Variants in MED12L observed in about 807,000 individuals in gnomAD.
The protein encoded by MED12L is mediator complex subunit 12L.
A neutral mutation model predicts 281.3 loss-of-function variants in MED12L; 60 were observed. That is an observed-to-expected ratio of 0.21 (90% CI 0.17 to 0.26). MED12L has a LOEUF of 0.26. Among genes scored for constraint, MED12L ranks in the 10% least tolerant of loss-of-function variants. MED12L has a pLI of 1.00. For missense variants in MED12L, 2,146 were observed against 2,680.9 expected, an observed-to-expected ratio of 0.80 and a Z score of 4.41; for synonymous variants, 974 against 987.2, an observed-to-expected ratio of 0.99 and a Z score of 0.25.
chr3:151,247,059 G>A (rs1000709801), intron 16 of MED12L, among the ~76,000 whole-genome samples: 1 of 152,126 alleles, frequency 6.6e-6, no homozygotes, highest in Non-Finnish European at 1.5e-5. Flanking sequence ...AAAACCACAA[G>A]AAGATACCAT....
chr3:151,141,201 G>GTTTTTTTTTTTTTTTT (rs1716973453), intron 5 of MED12L, among the ~76,000 whole-genome samples: 3 of 58,316 alleles, frequency 5.1e-5, no homozygotes, highest in South Asian at 5.4e-4. Flanking sequence ...TTTTTTTTTT[G>GTTTTTTTTTTTTTTTT]TTAGTAGAGA....
Position 151,357,216 on chromosome 3 carries a change from C to T in MED12L, c.2665C>T (p.Leu889=). Residue 889 remains leucine, a synonymous_variant, in exon 20 of 45, where the codon CTA becomes TTA. Transcript: ENST00000687756. ...NGLIDFAIQL[L]NELSVVEAEL... ...TCAGTCTTTTCTCCTGTTACAGTTA[C>T]TAAATGAACTGAGTGTTGTGGAAGC... The T allele has an allele frequency of 6.3e-7, 1 of 1,598,042 alleles. No individual in the cohort carries two copies. The highest frequency in any genetic ancestry group is 8.5e-7 in the Non-Finnish European group (1 of 1,173,112).
chr3:151,318,450 G>C (rs1748577925), intron 16 of MED12L, among the ~76,000 whole-genome samples: 1 of 151,016 alleles, frequency 6.6e-6, no homozygotes, highest in African/African-American at 2.4e-5. Flanking sequence ...TCCTTGTGTT[G>C]ACCTTTTTGC....
At chr3:151,178,815 C>T (rs1345860247) in intron 11 of MED12L, among the ~76,000 whole-genome samples, 1 of 152,116 alleles carries the variant, frequency 6.6e-6, no homozygotes, top group African/African-American at 2.4e-5. Context: ...ATCTTTATTA[C>T]TACTACCTGT....
intron 17 of MED12L, 69 bp from the exon 18 acceptor site, chr3:151,355,052 A>G: frequency 9.0e-7 from 1 of 1,112,718 alleles, no homozygotes; most frequent in Non-Finnish European, 1.4e-6. Flanking sequence ...TTTAAAAAAA[A>G]GTATCCATTA....
At chr3:151,192,728 T>C (rs2149104743) in intron 15 of MED12L, 74 bp downstream of exon 15, 1 of 918,186 alleles carries the variant, frequency 1.1e-6, no homozygotes, top group Non-Finnish European at 1.7e-6. Flanking sequence ...TCGATCCTTC[T>C]GTGTTCTCAG....
chr3:151,219,435 G>C (rs992049853), intron 16 of MED12L: 1 of 152,112 alleles, frequency 6.6e-6, no homozygotes, highest in Non-Finnish European at 1.5e-5. Flanking sequence ...TCCTAATTGT[G>C]AGCTGTAATT....
intron 5 of MED12L, among the ~76,000 whole-genome samples, chr3:151,133,271 C>G (rs1053804190): frequency 2.0e-5 from 3 of 152,148 alleles, no homozygotes; most frequent in Non-Finnish European, 4.4e-5. Flanking sequence ...GGGAACTTTT[C>G]CCAAAGTTAA....
At chr3:151,421,447 C>G (rs1190913353) in intron 43 of MED12L, among the ~76,000 whole-genome samples, 8 of 151,520 alleles carry the variant, frequency 5.3e-5, no homozygotes, top group Admixed American at 2.6e-4. Flanking sequence ...GTGTTGCTCT[C>G]TCACCCAGGC....
chr3:151,195,912 G>A lies in MED12L; in HGVS notation c.2250+2246G>A, dbSNP rs183701906. ...AGTTTATTTAAAAGAAAGAATTAAG[G>A]GGGGTGATAAATTAAGCAAAGATGG... On this transcript the variant is annotated intron_variant, in intron 16 of 44. Coordinates refer to ENST00000687756, the MANE Select transcript of MED12L (RefSeq NM_001393769.1). 2.7e-3 allele frequency among the ~76,000 whole-genome samples: 407 copies of A among 152,280 alleles called. 3 individuals are homozygous for A. Among genetic ancestry groups the A allele is most frequent in the African/African-American group, 9.0e-3 (376 of 41,566 alleles).
chr3:151,210,539 A>C (rs1373972935), intron 16 of MED12L, among the ~76,000 whole-genome samples: 3 of 152,210 alleles, frequency 2.0e-5, no homozygotes, highest in African/African-American at 7.2e-5. Context: ...TCCTTTTATA[A>C]AAACACCTTA....
chr3:151,354,451 A>G (rs1045554067), intron 17 of MED12L, among the ~76,000 whole-genome samples: 1 of 152,214 alleles, frequency 6.6e-6, no homozygotes, highest in Admixed American at 6.5e-5. Flanking sequence ...AAAAGGAATC[A>G]TGTAATTTCT....
chr3:151,155,878 TCTC>T (rs1719207533), intron 5 of MED12L, among the ~76,000 whole-genome samples: 1 of 152,180 alleles, frequency 6.6e-6, no homozygotes, highest in South Asian at 2.1e-4. Flanking sequence ...GAACATCTCT[TCTC>T]CTAGGTTAAG....
intron 15 of MED12L, among the ~76,000 whole-genome samples, chr3:151,192,872 G>A (rs75144949): frequency 0.083 from 12,575 of 152,082 alleles, 1,189 homozygotes; most frequent in African/African-American, 0.22. Flanking sequence ...CTGTCCTCCT[G>A]GTTGGCTAAC....
intron 16 of MED12L, among the ~76,000 whole-genome samples, chr3:151,287,090 G>T (rs1743609157): frequency 6.6e-6 from 1 of 152,154 alleles, no homozygotes; most frequent in Non-Finnish European, 1.5e-5. Flanking sequence ...GGTATGTAGG[G>T]AGTGTTCAGT....
Position 151,153,564 on chromosome 3 carries a change from CT to C in MED12L, c.557-2575del, listed in dbSNP as rs1177653143. Among the ~76,000 whole-genome samples the C allele has an allele frequency of 4.3e-3, 405 of 94,250 alleles. 1 individual carries two copies. The highest frequency in any genetic ancestry group is 0.017 in the East Asian group (53 of 3,032). 61.8% of individuals were successfully genotyped at this position (94,250 alleles called of 152,430 possible). On this transcript the variant is annotated intron_variant, in intron 5 of 44. Coordinates refer to ENST00000687756, the MANE Select transcript of MED12L (RefSeq NM_001393769.1). ...GTATGTATCCGTTTCTGTTTTCTTT[CT>C]TTTTTTTTTTTTTTTTTTTTTGAGA... is the stretch of plus-strand genomic sequence containing the variant.
intron 5 of MED12L, among the ~76,000 whole-genome samples, chr3:151,130,675 C>T (rs560661445): frequency 1.3e-5 from 2 of 152,198 alleles, no homozygotes; most frequent in Non-Finnish European, 2.9e-5. Context: ...GCGGCTCTTC[C>T]TTCACCTGTG....
rs1712817903 is a variant in MED12L at position 151,116,374 on chromosome 3, A to G, written c.136A>G (p.Asn46Asp). ...LTAVNVKQGFNNQPAFTGDEH... is the reference protein window; with the variant it reads ...LTAVNVKQGFDNQPAFTGDEH... ...TGCTGTGAATGTAAAGCAAGGCTTC[A>G]ATAATCAGCCAGCCTTCACTGGAGA... is the stretch of plus-strand genomic sequence containing the variant. The change falls in exon 3 of 45, where the codon AAT becomes GAT. Residue 46 changes from asparagine (N) to aspartate (D), a missense_variant. This residue lies in a region of MED12L where 3 missense variants were observed against 18.6 expected (regional missense o/e 0.16). Coordinates refer to ENST00000687756, the MANE Select transcript of MED12L (RefSeq NM_001393769.1). 1 of 1,613,522 alleles carries G rather than the reference A, an allele frequency of 6.2e-7. No homozygotes were observed. Among genetic ancestry groups the G allele is most frequent in the African/African-American group, 1.3e-5 (1 of 74,932 alleles).
chr3:151,201,086 G>A (rs879685973), intron 16 of MED12L: 2 of 152,138 alleles, frequency 1.3e-5, no homozygotes, highest in African/African-American at 2.4e-5. Flanking sequence ...TACTGTGTGG[G>A]CAGGAACTAT....
Sources: gnomAD v4.1 joint callset for allele counts (sites outside exome capture counted in the v4.1 genomes callset) on GRCh38, gnomAD v4.1.1 for gene constraint, gnomAD v4.1.1 regional missense constraint, MANE v1.5 for transcripts, NCBI Gene and HGNC (gene_info 2026-07-23, HGNC 2026-07-21) for gene names.